The following FER variants were observed in gnomAD, a reference collection of about 807,000 sequenced individuals.
FER encodes FER tyrosine kinase.
In FER, 63 loss-of-function variants were observed where a neutral mutation model predicts 111.0. That is an observed-to-expected ratio of 0.57 (90% CI 0.46 to 0.70). The LOEUF (loss-of-function observed/expected upper bound fraction) is 0.70. Among genes scored for constraint, FER ranks in the 30% least tolerant of loss-of-function variants. The pLI, the probability that FER is intolerant of heterozygous loss-of-function variation, is 0.00. For missense variants in FER, 914 were observed against 954.0 expected (o/e 0.96, Z 0.55); for synonymous variants, 327 against 313.9 (o/e 1.04, Z -0.44).
In FER at chr5:108,977,832, C is replaced by T. The variant is rs538499897; in HGVS notation, c.1656+18485C>T. On this transcript the variant is annotated intron_variant, in intron 13 of 19. Coordinates refer to ENST00000281092, the MANE Select transcript of FER (RefSeq NM_005246.4). ...CAATGTGGGTCAGACACTTGTGAAG[C>T]GACTCCTGTTTCTCTCTTCTCTCTC... Among the ~76,000 whole-genome samples the T allele has an allele frequency of 3.9e-5, 6 of 152,186 alleles. No individual in the cohort carries two copies. The South Asian group carries it at 6.2e-4, about 16-fold the overall frequency.
chr5:108,887,322 T>C lies in FER; in HGVS notation c.1046+3804T>C, dbSNP rs564298590. 4.6e-5 allele frequency among the ~76,000 whole-genome samples: 7 copies of C among 151,770 alleles called. No individual in the cohort carries two copies. The East Asian group carries it at 1.3e-3, about 29-fold the overall frequency. On this transcript the variant is annotated intron_variant, in intron 9 of 19. Coordinates refer to ENST00000281092, the MANE Select transcript of FER (RefSeq NM_005246.4). ...TTAATATATCCATGTCTCTAAAATA[T>C]CTAATGACAGTGAAAAAATAAATTA...
intron 18 of FER, among the ~76,000 whole-genome samples, chr5:109,181,390 T>G (rs1758276824): frequency 6.6e-6 from 1 of 152,202 alleles, no homozygotes; most frequent in South Asian, 2.1e-4. Context: ...AATTACATTT[T>G]AAAACGGCAG....
intron 16 of FER, among the ~76,000 whole-genome samples, chr5:109,058,982 C>A (rs1468004253): frequency 6.6e-6 from 1 of 151,886 alleles, no homozygotes; most frequent in Non-Finnish European, 1.5e-5. Flanking sequence ...TCAGGTAATA[C>A]ACCCACCTCA....
rs544139647 is a variant in FER at position 109,104,757 on chromosome 5, T to C, written c.2048+4238T>C. Among the ~76,000 whole-genome samples the C allele has an allele frequency of 1.8e-3, 273 of 152,326 alleles. 1 individual carries two copies. The highest frequency in any genetic ancestry group is 5.8e-3 in the African/African-American group (242 of 41,578). On this transcript the variant is annotated intron_variant, in intron 17 of 19. Transcript: ENST00000281092. ...TGAGACCAATATTTTTTTTTCTTTT[T>C]TTTGAAACGGAGTCTCACTCTGTCG...
intron 16 of FER, among the ~76,000 whole-genome samples, chr5:109,070,500 C>T (rs554631936): frequency 6.6e-6 from 1 of 151,848 alleles, no homozygotes; most frequent in Admixed American, 6.6e-5. Context: ...TTCCCTGTGA[C>T]GAGCAAGATA....
intron 3 of FER, among the ~76,000 whole-genome samples, chr5:108,812,481 A>G (rs1318050601): frequency 1.3e-5 from 2 of 152,178 alleles, no homozygotes; most frequent in Non-Finnish European, 2.9e-5. Flanking sequence ...TAAGTAACAT[A>G]TAGTTGAGTC....
At chr5:108,749,306 C>T (rs547230177) in intron 1 of FER, among the ~76,000 whole-genome samples, 204 of 152,162 alleles carry the variant, frequency 1.3e-3, no homozygotes, top group African/African-American at 4.3e-3. Context: ...CCCACCATCC[C>T]GGGACCCGAA....
intron 16 of FER, among the ~76,000 whole-genome samples, chr5:109,072,575 T>A (rs1775891104): frequency 1.3e-5 from 2 of 151,860 alleles, no homozygotes; most frequent in South Asian, 2.1e-4. Flanking sequence ...ATGTCGTGTT[T>A]CCCTTTAATC....
chr5:109,082,103 C>T (rs909834615), intron 16 of FER, among the ~76,000 whole-genome samples: 1 of 151,990 alleles, frequency 6.6e-6, no homozygotes, highest in Non-Finnish European at 1.5e-5. Flanking sequence ...GCCTTTGGCA[C>T]TTTGCCTGAA....
chr5:109,058,700 CT>C (rs1773956349), intron 16 of FER, among the ~76,000 whole-genome samples: 1 of 91,242 alleles, frequency 1.1e-5, no homozygotes, highest in Admixed American at 1.0e-4. Flanking sequence ...GTGCTATCTT[CT>C]TTTTCTTTTT....
At chr5:109,148,042 G>C (rs1440506480) in intron 17 of FER, among the ~76,000 whole-genome samples, 1 of 151,692 alleles carries the variant, frequency 6.6e-6, no homozygotes, top group Non-Finnish European at 1.5e-5. Context: ...TTTTTTAAAT[G>C]TTGTACATAT....
intron 13 of FER, among the ~76,000 whole-genome samples, chr5:109,032,610 C>T (rs768266133): frequency 2.0e-5 from 3 of 152,182 alleles, no homozygotes; most frequent in African/African-American, 2.4e-5. Flanking sequence ...CCCAGAAGGG[C>T]AGTTAATCCA....
intron 16 of FER, among the ~76,000 whole-genome samples, chr5:109,085,467 T>G (rs77388062): frequency 4.0e-5 from 6 of 151,090 alleles, no homozygotes; most frequent in Non-Finnish European, 7.4e-5. Flanking sequence ...TTTTTTTTTT[T>G]GTAGATTTTT....
At chr5:108,949,968 A>G (rs1308199540) in intron 11 of FER, among the ~76,000 whole-genome samples, 1 of 152,146 alleles carries the variant, frequency 6.6e-6, no homozygotes, top group East Asian at 1.9e-4. Context: ...AAGAGAGAAA[A>G]GCATGTTATT....
intron 16 of FER, among the ~76,000 whole-genome samples, chr5:109,093,708 C>T (rs141000267): frequency 6.6e-6 from 1 of 152,106 alleles, no homozygotes; most frequent in East Asian, 1.9e-4. Context: ...GTCATTTTAT[C>T]TCACATCTCT....
chr5:109,086,203 G>T lies in FER; in HGVS notation c.1925-14193G>T, dbSNP rs1324404423. 2.0e-5 allele frequency among the ~76,000 whole-genome samples: 3 copies of T among 151,752 alleles called. No individual in the cohort carries two copies. In the East Asian group the frequency reaches 5.8e-4, roughly 29 times the overall value. On this transcript the variant is annotated intron_variant, in intron 16 of 19. Transcript: ENST00000281092. Reference sequence around the variant, plus strand: ...GAAGTGTTTTAGCTACAAATTTAGTGTTCTTCACAATATGGGCTATTTAAA... The same window carrying T: ...GAAGTGTTTTAGCTACAAATTTAGTTTTCTTCACAATATGGGCTATTTAAA...
At chr5:108,986,957 AT>A (rs142022030) in intron 13 of FER, among the ~76,000 whole-genome samples, 6,870 of 147,220 alleles carry the variant, frequency 0.047, 409 homozygotes, top group African/African-American at 0.14. Flanking sequence ...GAGTTTTAGG[AT>A]TTTTTTTTTC....
At chr5:109,125,359 G>A (rs914215627) in intron 17 of FER, among the ~76,000 whole-genome samples, 1 of 151,946 alleles carries the variant, frequency 6.6e-6, no homozygotes. Context: ...AATTAATTGT[G>A]ATTTAAATAT....
intron 13 of FER, among the ~76,000 whole-genome samples, chr5:108,998,156 C>A (rs937952190): frequency 3.5e-5 from 5 of 141,452 alleles, no homozygotes; most frequent in Non-Finnish European, 6.1e-5. Context: ...TTCTGTCTTG[C>A]TGGCGTTCCA....
Sources: gnomAD v4.1 joint callset for allele counts (sites outside exome capture counted in the v4.1 genomes callset) on GRCh38, gnomAD v4.1.1 for gene constraint, MANE v1.5 for transcripts, NCBI Gene and HGNC (gene_info 2026-07-23, HGNC 2026-07-21) for gene names.